Variants in TRPM3 observed in about 807,000 individuals in gnomAD.
TRPM3 encodes long transient receptor potential channel 3.
TRPM3 carries 77 observed loss-of-function variants against 181.2 expected under a neutral mutation model. The ratio of observed to expected loss-of-function variants is 0.42; its 90% CI spans 0.35 to 0.51. The LOEUF (loss-of-function observed/expected upper bound fraction) is 0.51, where lower values mean the gene tolerates loss of function less well. Ranked by LOEUF, TRPM3 falls within the 20% of genes least tolerant of loss-of-function variation. The probability of loss-of-function intolerance (pLI) is 0.01; values close to 1 mark genes in which losing one functional copy is unlikely to be tolerated. For synonymous variants in TRPM3, 745 were observed against 796.4 expected (o/e 0.94, Z 1.09); for missense variants, 1,759 against 2,196.7 (o/e 0.80, Z 3.98).
At chr9:71,410,913 T>C (rs1268941916) in intron 1 of TRPM3, among the ~76,000 whole-genome samples, 1 of 152,222 alleles carries the variant, frequency 6.6e-6, no homozygotes. Flanking sequence ...CATGGTCAAG[T>C]TGGCTTCATC....
chr9:71,268,906 T>G (rs1181488818), intron 1 of TRPM3, among the ~76,000 whole-genome samples: 1 of 151,948 alleles, frequency 6.6e-6, no homozygotes, highest in East Asian at 1.9e-4. Flanking sequence ...TGCACTAAAC[T>G]TTGACAAAGA....
intron 1 of TRPM3, among the ~76,000 whole-genome samples, chr9:70,940,123 G>A (rs1257111552): frequency 6.6e-6 from 1 of 152,024 alleles, no homozygotes. Flanking sequence ...ATTTCCTGAG[G>A]AACAATAATC....
intron 1 of TRPM3, among the ~76,000 whole-genome samples, chr9:71,081,971 T>C (rs2064426375): frequency 6.6e-6 from 1 of 152,208 alleles, no homozygotes; most frequent in Non-Finnish European, 1.5e-5. Context: ...TTTATTTTTT[T>C]ACTAGCAGAA....
chr9:70,548,918 C>T (rs2045769518), intron 25 of TRPM3, among the ~76,000 whole-genome samples: 1 of 151,646 alleles, frequency 6.6e-6, no homozygotes, highest in South Asian at 2.1e-4. Flanking sequence ...TTTCTTATAG[C>T]TCTGCTGGCT....
At chr9:70,659,351 G>A (rs529557053) in intron 9 of TRPM3, among the ~76,000 whole-genome samples, 39 of 152,186 alleles carry the variant, frequency 2.6e-4, no homozygotes, top group African/African-American at 8.9e-4. Flanking sequence ...GGAGCCCCAA[G>A]TTTTATGTTG....
chr9:71,231,426 A>G (rs1255099532), intron 1 of TRPM3, among the ~76,000 whole-genome samples: 1 of 152,214 alleles, frequency 6.6e-6, no homozygotes, highest in African/African-American at 2.4e-5. Flanking sequence ...TCTTGAAGCT[A>G]GAACATGAAA....
chr9:71,373,677 T>C (rs1290961944), intron 1 of TRPM3, among the ~76,000 whole-genome samples: 1 of 151,996 alleles, frequency 6.6e-6, no homozygotes, highest in South Asian at 2.1e-4. Flanking sequence ...GACAGATTCA[T>C]AGCTGAATTC....
intron 1 of TRPM3, among the ~76,000 whole-genome samples, chr9:71,226,805 T>C (rs1463727476): frequency 6.6e-6 from 1 of 152,104 alleles, no homozygotes; most frequent in Non-Finnish European, 1.5e-5. Context: ...TTCAACATCC[T>C]ACTTTCAGCG....
chr9:70,991,573 T>TTTTTG (rs2097486557), intron 1 of TRPM3, among the ~76,000 whole-genome samples: 2 of 150,200 alleles, frequency 1.3e-5, no homozygotes, highest in African/African-American at 2.4e-5. Flanking sequence ...TTTTTTTTTT[T>TTTTTG]GAGTACTAAT....
chr9:70,601,900 G>A (rs2060054501), intron 20 of TRPM3, among the ~76,000 whole-genome samples: 2 of 152,120 alleles, frequency 1.3e-5, no homozygotes, highest in South Asian at 2.1e-4. Flanking sequence ...GCGTTAAATC[G>A]CTCGAGTGCC....
intron 1 of TRPM3, among the ~76,000 whole-genome samples, chr9:70,959,472 A>C (rs2133804181): frequency 6.6e-6 from 1 of 152,068 alleles, no homozygotes; most frequent in East Asian, 1.9e-4. Context: ...AAAAAGGAAA[A>C]AGCACCAAAA....
chr9:70,974,863 A>ATTTTTTTTT lies in TRPM3; in HGVS notation c.178-110361_178-110353dup, dbSNP rs1177545043. ...GTTCCACAGGAGTGATGGAACATCA[A>ATTTTTTTTT]TTTTTTTTTTTTTTTTTTTTGAGGT... On this transcript the variant is annotated intron_variant, in intron 1 of 25. Transcript: ENST00000677713. Among the ~76,000 whole-genome samples the ATTTTTTTTT allele has an allele frequency of 7.8e-4, 92 of 117,950 alleles. 4 individuals are homozygous for ATTTTTTTTT. The highest frequency in any genetic ancestry group is 2.8e-3 in the East Asian group (10 of 3,594). The allele number at this position is 117,950 out of a possible 152,430, so 77.4% of individuals were successfully genotyped here. A position where few individuals can be genotyped will look rare whatever the true frequency, so the allele number is the denominator to read the frequency against.
At chr9:70,910,953 T>C (rs2096531549) in intron 1 of TRPM3, among the ~76,000 whole-genome samples, 1 of 152,226 alleles carries the variant, frequency 6.6e-6, no homozygotes, top group Non-Finnish European at 1.5e-5. Context: ...TTGACTTCTA[T>C]GACAGCAGCT....
At position 70,536,525 on chromosome 9, in the gene TRPM3, C is replaced by T; in HGVS notation, c.4588G>A (p.Val1530Met). The T allele has an allele frequency of 1.9e-6, 3 of 1,614,154 alleles. No individual in the cohort carries two copies. In the South Asian group the frequency reaches 3.3e-5, roughly 18 times the overall value. The change falls in exon 26 of 26, where the codon GTG becomes ATG. Residue 1530 changes from valine (V) to methionine (M), a missense_variant. This residue lies in a region of TRPM3 where 612 missense variants were observed against 590.0 expected (regional missense o/e 1.04). Coordinates refer to ENST00000677713, the MANE Select transcript of TRPM3 (RefSeq NM_001366145.2). The stretch of plus-strand genomic sequence containing the variant: ...GAAAACATAAAGCTATGAGATTTCA[C>T]AATGGGAGCCTCTTCTAGAAGAAAG... ...TPFLLEEAPI[V>M]KSHSFMFSPS...
intron 1 of TRPM3, among the ~76,000 whole-genome samples, chr9:70,964,664 G>T (rs2097168802): frequency 6.6e-6 from 1 of 152,074 alleles, no homozygotes; most frequent in South Asian, 2.1e-4. Flanking sequence ...AGAGCCTTAG[G>T]TGTGACTCCT....
intron 1 of TRPM3, among the ~76,000 whole-genome samples, chr9:71,336,945 A>G (rs939040686): frequency 1.3e-5 from 2 of 152,210 alleles, no homozygotes; most frequent in African/African-American, 4.8e-5. Flanking sequence ...CTTATACAAA[A>G]TTTAACTCAA....
chr9:70,924,509 A>T (rs955247354), intron 1 of TRPM3, among the ~76,000 whole-genome samples: 33 of 152,158 alleles, frequency 2.2e-4, no homozygotes, highest in African/African-American at 7.5e-4. Flanking sequence ...AACATTCTTG[A>T]CCATAAATCT....
At position 70,535,566 on chromosome 9, in the gene TRPM3, C is replaced by T; in HGVS notation, c.*387G>A. The T allele has an allele frequency of 6.5e-7, 1 of 1,528,990 alleles. No homozygotes were observed. Among genetic ancestry groups the T allele is most frequent in the East Asian group, 2.4e-5 (1 of 40,836 alleles). The allele number at this position is 1,528,990 out of a possible 1,614,324, so 94.7% of individuals were successfully genotyped here. ...TTATTTTGCAATTTAGCCCTGCATC[C>T]TACAACTCTTGATAATGGTCAGAAA... On this transcript the variant is annotated 3_prime_UTR_variant, in exon 26 of 26. Transcript: ENST00000677713.
At chr9:70,744,733 G>A (rs951634541) in intron 8 of TRPM3, among the ~76,000 whole-genome samples, 1 of 152,150 alleles carries the variant, frequency 6.6e-6, no homozygotes, top group Admixed American at 6.5e-5. Context: ...CAACAAAATG[G>A]TCTTTTCTTT....
Sources: gnomAD v4.1 joint callset for allele counts (sites outside exome capture counted in the v4.1 genomes callset) on GRCh38, gnomAD v4.1.1 for gene constraint, gnomAD v4.1.1 regional missense constraint, MANE v1.5 for transcripts, NCBI Gene and HGNC (gene_info 2026-07-23, HGNC 2026-07-21) for gene names.